WDFY4: variants seen among roughly 807,000 people sequenced by gnomAD.
WDFY4 encodes the protein WDFY family member 4.
WDFY4 carries 169 observed loss-of-function variants against 351.9 expected under a neutral mutation model. The observed-to-expected ratio is 0.48, with a 90% CI of 0.42 to 0.55. The LOEUF is 0.55. Among genes scored for constraint, WDFY4 ranks in the 20% least tolerant of loss-of-function variants. The pLI is 0.00. For missense variants in WDFY4, 3,803 were observed against 3,935.6 expected (o/e 0.97, Z 0.90); for synonymous variants, 1,622 against 1,574.6 (o/e 1.03, Z -0.71).
At chr10:48,930,051 C>T (rs1564501064) in intron 47 of WDFY4, among the ~76,000 whole-genome samples, 1 of 152,248 alleles carries the variant, frequency 6.6e-6, no homozygotes, top group East Asian at 1.9e-4. Flanking sequence ...AGACACATGG[C>T]CTGTCTGGTT....
At chr10:48,937,537 C>A (rs924726412) in intron 47 of WDFY4, among the ~76,000 whole-genome samples, 1 of 152,136 alleles carries the variant, frequency 6.6e-6, no homozygotes, top group Admixed American at 6.5e-5. Flanking sequence ...TGCCCCACAC[C>A]TCCATATCTT....
chr10:48,935,539 G>A (rs1840303025), intron 47 of WDFY4, among the ~76,000 whole-genome samples: 1 of 152,202 alleles, frequency 6.6e-6, no homozygotes, highest in African/African-American at 2.4e-5. Flanking sequence ...CACTTTAATA[G>A]CATTCATGAA....
chr10:48,778,091 G>A (rs1021355582), intron 17 of WDFY4, among the ~76,000 whole-genome samples: 14 of 152,256 alleles, frequency 9.2e-5, no homozygotes, highest in African/African-American at 3.1e-4. Context: ...GCAAGTGCCT[G>A]ATGCTGCCTG....
chr10:48,724,109 G>A (rs139119496), intron 5 of WDFY4, among the ~76,000 whole-genome samples: 77 of 152,032 alleles, frequency 5.1e-4, no homozygotes, highest in Non-Finnish European at 8.2e-4. Context: ...GCCCACTTCC[G>A]GGCAGTTTCT....
At position 48,826,788 on chromosome 10, in the gene WDFY4, G is replaced by A. The variant is rs6537579; in HGVS notation, c.6100G>A (p.Gly2034Ser). ...KPQQSLSECL[G>S]LLSILGFLQE... ...CCAGCAGTCCCTCTCCGAATGCCTCGGCCTTCTCAGCATCCTGGGCTTTCT... is the reference window on the plus strand; with the variant it reads ...CCAGCAGTCCCTCTCCGAATGCCTCAGCCTTCTCAGCATCCTGGGCTTTCT... The change falls in exon 36 of 62, where the codon GGC (glycine) becomes AGC (serine). Residue 2034 changes from glycine to serine, a missense_variant. Coordinates refer to ENST00000325239, the MANE Select transcript of WDFY4 (RefSeq NM_001394531.1). The A allele has an allele frequency of 0.13, 207,936 of 1,551,584 alleles. 16,938 individuals are homozygous for A. Among genetic ancestry groups the A allele is most frequent in the African/African-American group, 0.39 (28,121 of 73,010 alleles).
chr10:48,773,714 C>T (rs897550018), intron 13 of WDFY4, among the ~76,000 whole-genome samples: 1 of 152,150 alleles, frequency 6.6e-6, no homozygotes, highest in African/African-American at 2.4e-5. Flanking sequence ...GGAGATGGCA[C>T]CCAGGGGATG....
intron 7 of WDFY4, 117 bp from the exon 8 acceptor site, chr10:48,729,315 G>A: frequency 1.4e-6 from 2 of 1,438,626 alleles, no homozygotes; most frequent in Non-Finnish European, 1.9e-6. Flanking sequence ...GTGCAGACCT[G>A]TGGGGTCTTC....
At chr10:48,778,270 A>C (rs1459590119) in intron 17 of WDFY4, among the ~76,000 whole-genome samples, 1 of 152,290 alleles carries the variant, frequency 6.6e-6, no homozygotes, top group East Asian at 1.9e-4. Context: ...TATATCGCCA[A>C]CCCTGTTATG....
At chr10:48,793,013 A>C (rs74823241) in intron 23 of WDFY4, among the ~76,000 whole-genome samples, 3,090 of 152,330 alleles carry the variant, frequency 0.02, 107 homozygotes, top group African/African-American at 0.067. Context: ...TTTTGTTAAA[A>C]AAGGAAGCTC....
intron 13 of WDFY4, among the ~76,000 whole-genome samples, chr10:48,768,120 T>G (rs2065731395): frequency 6.6e-6 from 1 of 152,160 alleles, no homozygotes; most frequent in Non-Finnish European, 1.5e-5. Flanking sequence ...TGGAGGGTAG[T>G]CCTGTCATCT....
At chr10:48,758,293 G>A (rs575264969) in intron 12 of WDFY4, among the ~76,000 whole-genome samples, 23 of 152,158 alleles carry the variant, frequency 1.5e-4, no homozygotes, top group African/African-American at 2.9e-4. Context: ...TCAAATTGTC[G>A]TTCCCTTAAA....
intron 39 of WDFY4, among the ~76,000 whole-genome samples, chr10:48,858,441 G>T (rs2069218139): frequency 6.6e-6 from 1 of 152,148 alleles, no homozygotes; most frequent in Non-Finnish European, 1.5e-5. Flanking sequence ...ACATCCAATT[G>T]CTCCAACACC....
intron 40 of WDFY4, among the ~76,000 whole-genome samples, chr10:48,872,707 C>A (rs2069830408): frequency 6.6e-6 from 1 of 152,124 alleles, no homozygotes; most frequent in Non-Finnish European, 1.5e-5. Flanking sequence ...TCTATAAATG[C>A]AGGTTGGGGG....
intron 43 of WDFY4, among the ~76,000 whole-genome samples, chr10:48,888,625 A>G (rs918189646): frequency 2.6e-5 from 4 of 152,130 alleles, no homozygotes; most frequent in African/African-American, 9.7e-5. Context: ...AAGACCACCT[A>G]TGATGTTGGT....
intron 24 of WDFY4, among the ~76,000 whole-genome samples, chr10:48,801,070 T>TA (rs1170150525): frequency 1.3e-5 from 2 of 152,194 alleles, no homozygotes; most frequent in Non-Finnish European, 2.9e-5. Context: ...AGTTCATTTC[T>TA]AAGAGTACAG....
In WDFY4 at chr10:48,867,329, A is replaced by T; in HGVS notation, c.6728A>T (p.Lys2243Ile). The part of the protein sequence containing the change: ...RGQELYASLY[K>I]DHVQRRKCGN... ...CAAGAGCTATATGCATCTTTATACA[A>T]AGACCATGTGCAAGTAAGAAACAAA... The change falls in exon 40 of 62, where the codon AAA (lysine) becomes ATA (isoleucine). Residue 2243 changes from lysine (K) to isoleucine (I), a missense_variant. Transcript: ENST00000325239. 1 of 1,501,840 alleles carries T rather than the reference A, an allele frequency of 6.7e-7. No homozygotes were observed. Among genetic ancestry groups the T allele is most frequent in the Non-Finnish European group, 8.9e-7 (1 of 1,120,626 alleles). 93.0% of individuals were successfully genotyped at this position (1,501,840 alleles called of 1,614,324 possible). A position where few individuals can be genotyped will look rare whatever the true frequency, so the allele number is the denominator to read the frequency against.
chr10:48,946,991 TACACACACAC>T (rs57927796), intron 51 of WDFY4, 22 bp downstream of exon 51: 109 of 1,100,360 alleles, frequency 9.9e-5, no homozygotes, highest in South Asian at 9.8e-4. Context: ...CCACTCTCTG[TACACACACAC>T]ACACACACAC....
intron 57 of WDFY4, among the ~76,000 whole-genome samples, chr10:48,974,116 A>G (rs1842448055): frequency 1.3e-5 from 2 of 152,232 alleles, no homozygotes; most frequent in South Asian, 2.1e-4. Flanking sequence ...TTGGAGTGGA[A>G]CCCAAGAATT....
intron 1 of WDFY4, among the ~76,000 whole-genome samples, chr10:48,702,454 C>CA (rs1396171785): frequency 2.6e-5 from 4 of 152,118 alleles, no homozygotes; most frequent in African/African-American, 9.7e-5. Context: ...TTGCCTTTTC[C>CA]AAAATGTCCT....
Sources: gnomAD v4.1 joint callset for allele counts (sites outside exome capture counted in the v4.1 genomes callset) on GRCh38, gnomAD v4.1.1 for gene constraint, MANE v1.5 for transcripts, NCBI Gene and HGNC (gene_info 2026-07-23, HGNC 2026-07-21) for gene names.